Variants in TUSC3 observed in about 807,000 individuals in gnomAD.
TUSC3 encodes the protein dolichyl-diphosphooligosaccharide--protein glycosyltransferase subunit TUSC3.
Under a neutral mutation model 44.8 loss-of-function variants are expected in TUSC3, and 45 were observed. That is an observed-to-expected ratio of 1.00 (90% CI 0.79 to 1.29). TUSC3 has a LOEUF of 1.29. Ranked by LOEUF, TUSC3 falls within the 50% of genes most tolerant of loss-of-function variation. The pLI is 0.00. For missense variants in TUSC3, 519 were observed against 437.9 expected (o/e 1.19, Z -1.65); for synonymous variants, 212 against 152.9 (o/e 1.39, Z -2.85).
chr8:15,477,953 TTTAA>T (rs1800603152), intron 1 of TUSC3, among the ~76,000 whole-genome samples: 2 of 152,152 alleles, frequency 1.3e-5, no homozygotes, highest in African/African-American at 4.8e-5. Flanking sequence ...AAAAATTTAA[TTTAA>T]TTAAGTAATT....
chr8:15,435,143 G>T (rs28587522), intron 1 of TUSC3, among the ~76,000 whole-genome samples: 3 of 146,778 alleles, frequency 2.0e-5, no homozygotes, highest in Non-Finnish European at 3.0e-5. Context: ...CTAGTTTACA[G>T]TCCCACCAAC....
chr8:15,539,003 C>T (rs1214789002), upstream of TUSC3, among the ~76,000 whole-genome samples: 1 of 151,466 alleles, frequency 6.6e-6, no homozygotes, highest in Non-Finnish European at 1.5e-5. Flanking sequence ...GTACTCCCCA[C>T]CATACCCAGC....
At chr8:15,460,505 G>C (rs1346995246) in intron 1 of TUSC3, among the ~76,000 whole-genome samples, 1 of 152,076 alleles carries the variant, frequency 6.6e-6, no homozygotes, top group African/African-American at 2.4e-5. Context: ...TCTGCTGACT[G>C]TTCCTTTTGC....
chr8:15,446,777 T>TA (rs1800109792), intron 1 of TUSC3, among the ~76,000 whole-genome samples: 1 of 149,634 alleles, frequency 6.7e-6, no homozygotes, highest in Non-Finnish European at 1.5e-5. Context: ...TATTTTTTTT[T>TA]AACTCTTTAA....
intron 1 of TUSC3, among the ~76,000 whole-genome samples, chr8:15,590,640 A>G (rs1189205447): frequency 1.3e-5 from 2 of 151,328 alleles, no homozygotes; most frequent in East Asian, 3.9e-4. Context: ...ATTTATTTTT[A>G]TTTATTTATT....
At chr8:15,704,606 C>T (rs1380921612) in intron 6 of TUSC3, among the ~76,000 whole-genome samples, 1 of 150,928 alleles carries the variant, frequency 6.6e-6, no homozygotes, top group Non-Finnish European at 1.5e-5. Flanking sequence ...TGGTTCTCCA[C>T]AGAACACATA....
chr8:15,538,881 G>T (rs1016111737), upstream of TUSC3, among the ~76,000 whole-genome samples: 3 of 151,670 alleles, frequency 2.0e-5, no homozygotes, highest in Admixed American at 2.0e-4. Flanking sequence ...ACAGGGTTTT[G>T]CTCTGTCTCC....
intron 6 of TUSC3, among the ~76,000 whole-genome samples, chr8:15,694,164 C>T (rs909154492): frequency 4.6e-5 from 7 of 152,100 alleles, no homozygotes; most frequent in Non-Finnish European, 8.8e-5. Context: ...CCATGTTGGC[C>T]GGGCACAGTG....
chr8:15,459,561 G>A (rs1413365026), intron 1 of TUSC3, among the ~76,000 whole-genome samples: 6 of 151,948 alleles, frequency 3.9e-5, no homozygotes, highest in African/African-American at 1.5e-4. Context: ...TTTTGGTGCA[G>A]CCATCGCCCA....
At chr8:15,732,738 G>A (rs1297688993) in intron 7 of TUSC3, among the ~76,000 whole-genome samples, 1 of 152,138 alleles carries the variant, frequency 6.6e-6, no homozygotes, top group East Asian at 1.9e-4. Flanking sequence ...AAGGAATGAA[G>A]TTGAGAAGAA....
intron 6 of TUSC3, among the ~76,000 whole-genome samples, chr8:15,683,398 G>A (rs1281274917): frequency 6.6e-6 from 1 of 152,006 alleles, no homozygotes; most frequent in Admixed American, 6.6e-5. Context: ...GTGATGTTCA[G>A]GCTCTGAAAT....
chr8:15,673,731 G>A lies in TUSC3; in HGVS notation c.709-16G>A. On this transcript the variant is annotated splice_polypyrimidine_tract_variant and intron_variant, in intron 5 of 10. Coordinates refer to ENST00000503731, the MANE Select transcript of TUSC3 (RefSeq NM_006765.4). ...TCTCTGGTTTACATATTGAAACACT[G>A]CACCCTGTTTTTCAGTGTATAGTCT... 1 of 1,600,182 alleles carries A rather than the reference G, an allele frequency of 6.2e-7. No homozygotes were observed. The highest frequency in any genetic ancestry group is 2.2e-5 in the East Asian group (1 of 44,746).
the TUSC3 span, among the ~76,000 whole-genome samples, chr8:15,775,629 GAC>G: frequency 1.4e-5 from 1 of 69,542 alleles, no homozygotes; most frequent in African/African-American, 6.0e-5. Flanking sequence ...TATATATACA[GAC>G]ACATATATAT....
the TUSC3 span, among the ~76,000 whole-genome samples, chr8:15,790,870 C>T: frequency 2.6e-5 from 4 of 152,046 alleles, no homozygotes; most frequent in Admixed American, 1.3e-4. Flanking sequence ...CTGTGGGGTT[C>T]GTATCCTGAA....
At chr8:15,470,068 A>C (rs191791565) in intron 1 of TUSC3, among the ~76,000 whole-genome samples, 14 of 151,868 alleles carry the variant, frequency 9.2e-5, no homozygotes, top group Admixed American at 2.6e-4. Flanking sequence ...CCAGCCTGGG[A>C]AACATAGGAA....
chr8:15,696,989 A>G (rs1351921654), intron 6 of TUSC3, among the ~76,000 whole-genome samples: 1 of 152,102 alleles, frequency 6.6e-6, no homozygotes, highest in Non-Finnish European at 1.5e-5. Flanking sequence ...TGGTCTGCTC[A>G]GGGTATCAAA....
chr8:15,577,278 T>G (rs999789558), intron 1 of TUSC3, among the ~76,000 whole-genome samples: 1 of 151,522 alleles, frequency 6.6e-6, no homozygotes, highest in Non-Finnish European at 1.5e-5. Flanking sequence ...TTCACTCTGA[T>G]GGTAGTTTCT....
In TUSC3 at chr8:15,585,629, G is replaced by C. The variant is rs530904046; in HGVS notation, c.139-37451G>C. 3.9e-5 allele frequency among the ~76,000 whole-genome samples: 6 copies of C among 152,258 alleles called. No homozygotes were observed. In the South Asian group the frequency reaches 8.3e-4, roughly 21 times the overall value. ...AATGTGCCTGTGGGCCCTTAGCCTA[G>C]AATCAATCACTCCCTATTGGTTTGT... On this transcript the variant is annotated intron_variant, in intron 1 of 10. Coordinates refer to ENST00000503731, the MANE Select transcript of TUSC3 (RefSeq NM_006765.4).
chr8:15,823,551 G>A, the TUSC3 span, among the ~76,000 whole-genome samples: 15 of 152,200 alleles, frequency 9.9e-5, no homozygotes, highest in South Asian at 2.1e-4. Context: ...CCAAATAAAA[G>A]ATACCATAAT....
Sources: gnomAD v4.1 joint callset for allele counts (sites outside exome capture counted in the v4.1 genomes callset) on GRCh38, gnomAD v4.1.1 for gene constraint, MANE v1.5 for transcripts, NCBI Gene and HGNC (gene_info 2026-07-23, HGNC 2026-07-21) for gene names.